CD46: variants seen among roughly 807,000 people sequenced by gnomAD.
CD46 encodes membrane cofactor protein.
Under a neutral mutation model 53.3 loss-of-function variants are expected in CD46, and 30 were observed. That is an observed-to-expected ratio of 0.56 (90% confidence interval 0.42 to 0.76). The LOEUF (loss-of-function observed/expected upper bound fraction) is 0.76, where lower values mean the gene tolerates loss of function less well. Among genes scored for constraint, CD46 ranks in the 30% least tolerant of loss-of-function variants. The pLI, the probability that CD46 is intolerant of heterozygous loss-of-function variation, is 0.00. For missense variants in CD46, 409 were observed against 463.0 expected (o/e 0.88, Z 1.07); for synonymous variants, 142 against 152.0 (o/e 0.93, Z 0.48).
At chr1:207,787,697 T>G (rs1259361530) in intron 11 of CD46, among the ~76,000 whole-genome samples, 1 of 152,218 alleles carries the variant, frequency 6.6e-6, no homozygotes, top group Non-Finnish European at 1.5e-5. Context: ...CGTGGGAATC[T>G]TTTAGAATAG....
At chr1:207,758,298 G>T (rs935581067) in intron 3 of CD46, among the ~76,000 whole-genome samples, 1 of 152,170 alleles carries the variant, frequency 6.6e-6, no homozygotes, top group Non-Finnish European at 1.5e-5. Flanking sequence ...ATAAAGAAAA[G>T]AAATGTATTT....
intron 8 of CD46, among the ~76,000 whole-genome samples, chr1:207,777,498 G>A (rs913394580): frequency 1.7e-4 from 26 of 152,058 alleles, no homozygotes; most frequent in Admixed American, 1.5e-3. Flanking sequence ...CACCCTCCCC[G>A]GTCAAGTATA....
Position 207,790,243 on chromosome 1 carries a change from C to T in CD46, c.1083-10C>T, listed in dbSNP as rs41317997. 5,932 of 1,458,976 alleles carry T rather than the reference C, an allele frequency of 4.1e-3. 200 individuals carry two copies. The African/African-American group carries it at 0.071, about 18-fold the overall frequency. 90.4% of individuals were successfully genotyped at this position (1,458,976 alleles called of 1,614,324 possible). A position where few individuals can be genotyped will look rare whatever the true frequency, so the allele number is the denominator to read the frequency against. On this transcript the variant is annotated splice_polypyrimidine_tract_variant and intron_variant, in intron 11 of 12. Coordinates refer to ENST00000367042, the MANE Select transcript of CD46 (RefSeq NM_172351.3). ...TATTTTATTCAGCCGTTTTCTCTTC[C>T]TCTGTTCAGCACATACCTAACTGAT...
In CD46 at chr1:207,752,250, C is replaced by T. The variant is rs138843816; in HGVS notation, c.38C>T (p.Ser13Phe). ...GGCCGCCGCGAGTGTCCCTTTCCTTCCTGGCGCTTTCCTGGGTTGCTTCTG... is the reference window on the plus strand; with the variant it reads ...GGCCGCCGCGAGTGTCCCTTTCCTTTCTGGCGCTTTCCTGGGTTGCTTCTG... ...PPGRRECPFP[S>F]WRFPGLLLAA... Residue 13 changes from serine to phenylalanine, a missense_variant, in exon 1 of 13, where the codon TCC (serine) becomes TTC (phenylalanine). Ser to Phe is a radical substitution (Grantham distance 155). Coordinates refer to ENST00000367042, the MANE Select transcript of CD46 (RefSeq NM_172351.3). This position sits in a 1 kb window ranked among gnomAD's most constrained non-coding sequence, Gnocchi z 4.1. 3,348 of 1,614,152 alleles carry T rather than the reference C, an allele frequency of 2.1e-3. 59 individuals are homozygous for T. In the East Asian group the frequency reaches 0.038, roughly 18 times the overall value.
chr1:207,754,239 A>G (rs1248601689), intron 1 of CD46, among the ~76,000 whole-genome samples: 1 of 152,192 alleles, frequency 6.6e-6, no homozygotes, highest in Non-Finnish European at 1.5e-5. Flanking sequence ...CTGCTCATCA[A>G]ACAGACTTTG....
chr1:207,793,839 TG>T lies in CD46; in HGVS notation c.*363del. 1 of 503,924 alleles carries T rather than the reference TG, an allele frequency of 2.0e-6. No individual in the cohort carries two copies. Among genetic ancestry groups the T allele is most frequent in the Non-Finnish European group, 3.6e-6 (1 of 278,668 alleles). 31.2% of individuals were successfully genotyped at this position (503,924 alleles called of 1,614,324 possible). On this transcript the variant is annotated 3_prime_UTR_variant, in exon 13 of 13. Transcript: ENST00000367042. ...GACCAGTCAGCACAGCATGCCTGGT[TG>T]TATTAAAGCAGGGATATGCTGTATT...
At chr1:207,791,000 T>A (rs1173295927) in intron 12 of CD46, among the ~76,000 whole-genome samples, 1 of 152,230 alleles carries the variant, frequency 6.6e-6, no homozygotes, top group African/African-American at 2.4e-5. Context: ...CCACCTCTTA[T>A]AATGTGAGGC....
At chr1:207,771,101 C>A (rs995185461) in intron 8 of CD46, among the ~76,000 whole-genome samples, 3 of 152,250 alleles carry the variant, frequency 2.0e-5, no homozygotes, top group Middle Eastern at 6.8e-3. Flanking sequence ...ATCTAACTGG[C>A]GTGAGTGGTA....
At chr1:207,767,604 T>C (rs1252187271) in intron 6 of CD46, 175 bp from the exon 7 acceptor site, 1 of 1,611,258 alleles carries the variant, frequency 6.2e-7, no homozygotes, top group Non-Finnish European at 8.5e-7. Flanking sequence ...TTTTGTTTCC[T>C]AGTGCTGCCT....
chr1:207,786,858 C>G (rs978082062), intron 11 of CD46, among the ~76,000 whole-genome samples: 1 of 152,118 alleles, frequency 6.6e-6, no homozygotes, highest in Non-Finnish European at 1.5e-5. Flanking sequence ...CTAAAAGTTA[C>G]ATATCTACAA....
chr1:207,784,117 A>T (rs188616769), intron 9 of CD46, among the ~76,000 whole-genome samples: 32 of 152,284 alleles, frequency 2.1e-4, no homozygotes, highest in Admixed American at 1.1e-3. Flanking sequence ...TATTATGGGA[A>T]TCCTATTGGT....
At chr1:207,792,895 A>G (rs1212539118) in intron 12 of CD46, among the ~76,000 whole-genome samples, 1 of 152,268 alleles carries the variant, frequency 6.6e-6, no homozygotes, top group Non-Finnish European at 1.5e-5. Flanking sequence ...TCGGTTAAAG[A>G]AAATAAAATT....
At chr1:207,776,802 G>C (rs752671411) in intron 8 of CD46, among the ~76,000 whole-genome samples, 2 of 152,064 alleles carry the variant, frequency 1.3e-5, no homozygotes, top group African/African-American at 2.4e-5. Context: ...CTATTTTTTT[G>C]TGTGTGAATT....
chr1:207,767,912 C>G (rs1657049404), intron 7 of CD46, 89 bp downstream of exon 7: 8 of 1,088,780 alleles, frequency 7.3e-6, no homozygotes, highest in Non-Finnish European at 8.5e-6. Context: ...TGGTGATGTT[C>G]ACTTATTTTT....
intron 8 of CD46, among the ~76,000 whole-genome samples, chr1:207,781,017 C>T (rs1218300138): frequency 6.6e-6 from 1 of 151,520 alleles, no homozygotes; most frequent in Non-Finnish European, 1.5e-5. Context: ...TTAGTCCATT[C>T]ATGAGGACAG....
chr1:207,757,133 C>T lies in CD46; in HGVS notation c.217C>T (p.Pro73Ser). Residue 73 changes from proline (P) to serine (S), a missense_variant, in exon 2 of 13, where the codon CCT becomes TCT. Pro to Ser is a moderately conservative substitution (Grantham distance 74). Transcript: ENST00000367042. ...KCKKGYFYIP[P>S]LATHTICDRN... Reference sequence around the variant, plus strand: ...TAAAAAAGGATACTTCTATATACCTCCTCTTGCCACCCATACTATTTGTGA... The same window carrying T: ...TAAAAAAGGATACTTCTATATACCTTCTCTTGCCACCCATACTATTTGTGA... 2 of 1,613,880 alleles carry T rather than the reference C, an allele frequency of 1.2e-6. No homozygotes were observed. The highest frequency in any genetic ancestry group is 1.7e-6 in the Non-Finnish European group (2 of 1,179,814).
chr1:207,767,526 A>G lies in CD46; in HGVS notation c.857-253A>G, dbSNP rs539296571. Reference sequence around the variant, plus strand: ...ATGGGCATTTTTATCTAAGTAAGTCAACAATGGCATAATTCATATAAATGA... The same window carrying G: ...ATGGGCATTTTTATCTAAGTAAGTCGACAATGGCATAATTCATATAAATGA... On this transcript the variant is annotated intron_variant, in intron 6 of 12. Transcript: ENST00000367042. 78 of 1,165,194 alleles carry G rather than the reference A, an allele frequency of 6.7e-5. 1 individual carries two copies. In the South Asian group the frequency reaches 8.5e-4, roughly 13 times the overall value. The allele number at this position is 1,165,194 out of a possible 1,614,324, so 72.2% of individuals were successfully genotyped here. A position where few individuals can be genotyped will look rare whatever the true frequency, so the allele number is the denominator to read the frequency against.
rs41268335 is a variant in CD46, at chr1:207,752,930, G to C, written c.97+621G>C. ...TTGAATGGAGTGAGCGCGGACTCTG[G>C]GGCTAGGGAGGGCATGTTGAGTGAG... On this transcript the variant is annotated intron_variant, in intron 1 of 12. Coordinates refer to ENST00000367042, the MANE Select transcript of CD46 (RefSeq NM_172351.3). The surrounding 1 kb of genome is among the most constrained non-coding windows in gnomAD (Gnocchi z 4.1). 0.044 allele frequency among the ~76,000 whole-genome samples: 6,640 copies of C among 152,144 alleles called. 197 individuals carry two copies. Among genetic ancestry groups the C allele is most frequent in the Non-Finnish European group, 0.069 (4,699 of 67,980 alleles).
chr1:207,786,350 A>T (rs1659269197), intron 11 of CD46, among the ~76,000 whole-genome samples: 2 of 152,184 alleles, frequency 1.3e-5, no homozygotes, highest in Non-Finnish European at 2.9e-5. Flanking sequence ...GTGTCTTTTA[A>T]TATATAAAAA....
Sources: allele counts gnomAD v4.1 joint callset (sites outside exome capture counted in the v4.1 genomes callset), GRCh38; gene constraint gnomAD v4.1.1; non-coding constraint Gnocchi (gnomAD v3.1); transcripts MANE v1.5; gene names NCBI Gene and HGNC (gene_info 2026-07-23, HGNC 2026-07-21).